LARGE1: variants seen among roughly 807,000 people sequenced by gnomAD.
LARGE1 encodes LARGE xylosyl- and glucuronyltransferase 1.
A neutral mutation model predicts 87.6 loss-of-function variants in LARGE1; 43 were observed. The ratio of observed to expected loss-of-function variants is 0.49; its 90% CI spans 0.38 to 0.63. The LOEUF (loss-of-function observed/expected upper bound fraction) is 0.63, where lower values mean the gene tolerates loss of function less well. Among genes scored for constraint, LARGE1 ranks in the 30% least tolerant of loss-of-function variants. The probability of loss-of-function intolerance (pLI) is 0.00; values close to 1 mark genes in which losing one functional copy is unlikely to be tolerated. For synonymous variants in LARGE1, 434 were observed against 394.6 expected, an observed-to-expected ratio of 1.10 and a Z score of -1.18; for missense variants, 802 against 1,000.2, an observed-to-expected ratio of 0.80 and a Z score of 2.67.
chr22:33,664,790 A>G (rs952328608), intron 2 of LARGE1, among the ~76,000 whole-genome samples: 1 of 152,160 alleles, frequency 6.6e-6, no homozygotes, highest in African/African-American at 2.4e-5. Context: ...CTTGAACCCA[A>G]GAGGCGGAGG....
chr22:33,356,488 T>A (rs1413263366), intron 9 of LARGE1, among the ~76,000 whole-genome samples: 1 of 152,050 alleles, frequency 6.6e-6, no homozygotes, highest in East Asian at 1.9e-4. Context: ...AATAAGAGAG[T>A]TGGCCGGGCG....
chr22:33,620,727 G>A (rs1371198482), intron 4 of LARGE1, among the ~76,000 whole-genome samples: 1 of 152,128 alleles, frequency 6.6e-6, no homozygotes, highest in Non-Finnish European at 1.5e-5. Flanking sequence ...TTCCAGACCA[G>A]CCAGGCTAAC....
chr22:33,442,325 C>T (rs756989332), intron 6 of LARGE1, among the ~76,000 whole-genome samples: 5 of 152,200 alleles, frequency 3.3e-5, no homozygotes, highest in South Asian at 4.1e-4. Flanking sequence ...AAAACAGGCA[C>T]GCTCTTGGCC....
the LARGE1 span, among the ~76,000 whole-genome samples, chr22:33,133,351 C>T: frequency 6.6e-6 from 1 of 152,086 alleles, no homozygotes; most frequent in African/African-American, 2.4e-5. Flanking sequence ...CCTGACAGGC[C>T]CCAGTGTGTG....
At chr22:33,570,760 A>AAGTG (rs796730643) in intron 5 of LARGE1, among the ~76,000 whole-genome samples, 17 of 152,158 alleles carry the variant, frequency 1.1e-4, no homozygotes, top group African/African-American at 4.1e-4. Flanking sequence ...GGAGGAGGAA[A>AAGTG]AGTGCGTGGG....
intron 6 of LARGE1, among the ~76,000 whole-genome samples, chr22:33,441,034 A>G (rs1052900148): frequency 1.4e-5 from 2 of 138,698 alleles, no homozygotes; most frequent in East Asian, 4.2e-4. Flanking sequence ...TTTTTTTCCT[A>G]TGTGTCTCAA....
chr22:33,757,590 T>C (rs1487740013), intron 2 of LARGE1, among the ~76,000 whole-genome samples: 1 of 152,122 alleles, frequency 6.6e-6, no homozygotes, highest in Non-Finnish European at 1.5e-5. Flanking sequence ...TCCAAAACCC[T>C]ATGCTGAGAG....
intron 7 of LARGE1, among the ~76,000 whole-genome samples, chr22:33,404,564 C>T (rs2147353232): frequency 6.6e-6 from 1 of 152,314 alleles, no homozygotes; most frequent in Non-Finnish European, 1.5e-5. Flanking sequence ...CCAGCCTGAT[C>T]TGGGCAAACC....
the LARGE1 span, among the ~76,000 whole-genome samples, chr22:33,130,812 G>A: frequency 6.6e-6 from 1 of 151,952 alleles, no homozygotes; most frequent in African/African-American, 2.4e-5. Flanking sequence ...TTGGGAGGCC[G>A]AGGCAGGCAG....
chr22:33,250,913 G>T (rs1021360540), intron 11 of LARGE1, among the ~76,000 whole-genome samples: 1 of 152,102 alleles, frequency 6.6e-6, no homozygotes, highest in East Asian at 1.9e-4. Flanking sequence ...TTTTGTTTAG[G>T]ATTTTTGTAT....
intron 12 of LARGE1, among the ~76,000 whole-genome samples, chr22:33,295,890 T>C (rs1237200230): frequency 6.6e-6 from 1 of 152,138 alleles, no homozygotes; most frequent in Non-Finnish European, 1.5e-5. Flanking sequence ...ATGGGTGGCA[T>C]TAACATTTCC....
chr22:33,627,957 C>T (rs1309973283), intron 3 of LARGE1, among the ~76,000 whole-genome samples: 1 of 152,190 alleles, frequency 6.6e-6, no homozygotes, highest in Non-Finnish European at 1.5e-5. Flanking sequence ...AGGCTCCATG[C>T]TGGCCCCCAC....
the LARGE1 span, among the ~76,000 whole-genome samples, chr22:33,083,391 T>C: frequency 7.2e-5 from 11 of 152,372 alleles, no homozygotes; most frequent in South Asian, 6.2e-4. Flanking sequence ...TTAGGTGTCA[T>C]ATCCAAGTAA....
chr22:33,824,045 T>A (rs1439455955), intron 1 of LARGE1, among the ~76,000 whole-genome samples: 1 of 152,186 alleles, frequency 6.6e-6, no homozygotes, highest in Non-Finnish European at 1.5e-5. Flanking sequence ...GAACAATCCT[T>A]TAAGGCTGAT....
intron 2 of LARGE1, among the ~76,000 whole-genome samples, chr22:33,753,939 G>A (rs1266960816): frequency 6.6e-6 from 1 of 152,086 alleles, no homozygotes. Context: ...GTGGGCACCT[G>A]TAATCCCAGC....
At position 33,579,340 on chromosome 22, in the gene LARGE1, T is replaced by C. The variant is rs530002440; in HGVS notation, c.616-14321A>G. Among the ~76,000 whole-genome samples, 16 of 152,358 alleles carry C rather than the reference T, an allele frequency of 1.1e-4. 1 individual carries two copies. In the South Asian group the frequency reaches 3.3e-3, roughly 32 times the overall value. The stretch of plus-strand genomic sequence containing the variant: ...TCCTCCTTGCCTTCCACCATGATTG[T>C]GAGGCATCCCCAGCCACGCGGAATT... On this transcript the variant is annotated intron_variant, in intron 5 of 14. Transcript: ENST00000397394.
At chr22:33,135,792 A>G in the LARGE1 span, among the ~76,000 whole-genome samples, 46 of 152,326 alleles carry the variant, frequency 3.0e-4, no homozygotes, top group African/African-American at 1.0e-3. Context: ...GTGAGCTGAA[A>G]TTGCTCTACC....
chr22:33,224,222 C>T (rs550164581), intron 11 of LARGE1, among the ~76,000 whole-genome samples: 5 of 151,878 alleles, frequency 3.3e-5, no homozygotes, highest in South Asian at 4.2e-4. Flanking sequence ...GCCGAGATCG[C>T]GCCACTGCAC....
chr22:33,408,282 C>A (rs1181613509), intron 7 of LARGE1, among the ~76,000 whole-genome samples: 1 of 152,014 alleles, frequency 6.6e-6, no homozygotes, highest in Non-Finnish European at 1.5e-5. Context: ...CAAAGCCCAG[C>A]CAAAGATAAA....
Sources: gnomAD v4.1 joint callset for allele counts (sites outside exome capture counted in the v4.1 genomes callset) on GRCh38, gnomAD v4.1.1 for gene constraint, MANE v1.5 for transcripts, NCBI Gene and HGNC (gene_info 2026-07-23, HGNC 2026-07-21) for gene names.